Variants in C8orf34 observed in about 807,000 individuals in gnomAD.
C8orf34 encodes the protein uncharacterized protein C8orf34.
Under a neutral mutation model 68.3 loss-of-function variants are expected in C8orf34, and 65 were observed. That is an observed-to-expected ratio of 0.95 (90% CI 0.78 to 1.17). C8orf34 has a LOEUF of 1.17. C8orf34 is among the 50% of genes most tolerant of loss of function. The pLI, the probability that C8orf34 is intolerant of heterozygous loss-of-function variation, is 0.00. For missense variants in C8orf34, 664 were observed against 655.4 expected (o/e 1.01, Z -0.14); for synonymous variants, 244 against 241.2 (o/e 1.01, Z -0.11).
chr8:68,397,256 A>C (rs1808755782), intron 1 of C8orf34, among the ~76,000 whole-genome samples: 1 of 151,966 alleles, frequency 6.6e-6, no homozygotes, highest in African/African-American at 2.4e-5. Context: ...CACCCCTCTC[A>C]GCTTCCCAAA....
intron 2 of C8orf34, 141 bp downstream of exon 2, chr8:68,439,787 C>A (rs1224224869): frequency 5.4e-5 from 37 of 683,704 alleles, no homozygotes; most frequent in Admixed American, 2.5e-4. Context: ...TACCTAGATG[C>A]TAAAATTTGT....
chr8:68,641,629 T>C (rs968380332), intron 8 of C8orf34, among the ~76,000 whole-genome samples: 38 of 152,338 alleles, frequency 2.5e-4, no homozygotes, highest in African/African-American at 8.4e-4. Flanking sequence ...AACTTTGTAG[T>C]ACAGTTGTAT....
chr8:68,376,791 A>G (rs1483656690), intron 1 of C8orf34, among the ~76,000 whole-genome samples: 3 of 152,152 alleles, frequency 2.0e-5, no homozygotes, highest in Non-Finnish European at 4.4e-5. Context: ...TTGAGTAGTC[A>G]GTGGATAACT....
intron 7 of C8orf34, among the ~76,000 whole-genome samples, chr8:68,594,211 A>C (rs1817477174): frequency 6.6e-6 from 1 of 151,954 alleles, no homozygotes; most frequent in Non-Finnish European, 1.5e-5. Flanking sequence ...GGTGTTCTCA[A>C]ATGCACTCTG....
At chr8:68,402,712 T>C (rs985819006) in intron 1 of C8orf34, among the ~76,000 whole-genome samples, 1 of 152,234 alleles carries the variant, frequency 6.6e-6, no homozygotes, top group African/African-American at 2.4e-5. Flanking sequence ...AATATTTGTA[T>C]AGTTTCCAAA....
intron 10 of C8orf34, among the ~76,000 whole-genome samples, chr8:68,771,133 C>G (rs1823323702): frequency 6.6e-6 from 1 of 152,104 alleles, no homozygotes; most frequent in South Asian, 2.1e-4. Flanking sequence ...ATATGTAGGT[C>G]TGAAAACAAA....
chr8:68,402,288 C>A (rs550138131), intron 1 of C8orf34, among the ~76,000 whole-genome samples: 44 of 152,158 alleles, frequency 2.9e-4, no homozygotes, highest in African/African-American at 1.1e-3. Context: ...ATATTTGAAT[C>A]ATCGCTCTTC....
chr8:68,787,125 T>G (rs899111588), intron 11 of C8orf34, among the ~76,000 whole-genome samples: 2 of 152,236 alleles, frequency 1.3e-5, no homozygotes, highest in East Asian at 3.8e-4. Flanking sequence ...TATGCCATTT[T>G]ATATTGAATA....
At chr8:68,519,839 T>C (rs966326170) in intron 5 of C8orf34, among the ~76,000 whole-genome samples, 2 of 152,184 alleles carry the variant, frequency 1.3e-5, no homozygotes, top group Admixed American at 6.5e-5. Context: ...GAAAATGAAA[T>C]TCAAGGAATA....
At chr8:68,661,867 C>T (rs1334050822) in intron 8 of C8orf34, among the ~76,000 whole-genome samples, 1 of 152,044 alleles carries the variant, frequency 6.6e-6, no homozygotes, top group African/African-American at 2.4e-5. Flanking sequence ...GGGCTCAGGA[C>T]ATACCACCCA....
At chr8:68,474,083 A>G (rs938531094) in intron 4 of C8orf34, among the ~76,000 whole-genome samples, 1 of 152,054 alleles carries the variant, frequency 6.6e-6, no homozygotes, top group Non-Finnish European at 1.5e-5. Flanking sequence ...TGCTCTCTCC[A>G]TTCAACCTCA....
intron 5 of C8orf34, among the ~76,000 whole-genome samples, chr8:68,494,177 G>A (rs1813426544): frequency 1.3e-5 from 2 of 152,130 alleles, no homozygotes; most frequent in Admixed American, 6.5e-5. Context: ...TACATACAAT[G>A]GAATAGTGTT....
intron 5 of C8orf34, among the ~76,000 whole-genome samples, chr8:68,518,759 G>C (rs1814622189): frequency 6.6e-6 from 1 of 151,968 alleles, no homozygotes; most frequent in Non-Finnish European, 1.5e-5. Flanking sequence ...AGCTGGGCAT[G>C]GTGGTGTACA....
chr8:68,397,010 A>C (rs1052472297), intron 1 of C8orf34, among the ~76,000 whole-genome samples: 1 of 151,670 alleles, frequency 6.6e-6, no homozygotes, highest in Non-Finnish European at 1.5e-5. Flanking sequence ...TATTTTATTT[A>C]TTTTCTTTTT....
At chr8:68,763,024 G>A (rs1823064804) in intron 10 of C8orf34, among the ~76,000 whole-genome samples, 1 of 152,164 alleles carries the variant, frequency 6.6e-6, no homozygotes, top group East Asian at 1.9e-4. Context: ...TTGTGGTTTT[G>A]CCCTAACTGA....
chr8:68,425,148 C>A (rs867750276), intron 1 of C8orf34, among the ~76,000 whole-genome samples: 1 of 152,058 alleles, frequency 6.6e-6, no homozygotes, highest in Non-Finnish European at 1.5e-5. Flanking sequence ...CTCATAAATG[C>A]ATCTACAGAA....
chr8:68,356,808 T>A (rs1464432784), intron 1 of C8orf34, among the ~76,000 whole-genome samples: 1 of 152,142 alleles, frequency 6.6e-6, no homozygotes, highest in Non-Finnish European at 1.5e-5. Context: ...AATTTTAGAT[T>A]GGAAGTTTTC....
At chr8:68,796,604 A>G (rs1462464446) in intron 12 of C8orf34, among the ~76,000 whole-genome samples, 2 of 152,180 alleles carry the variant, frequency 1.3e-5, no homozygotes, top group Non-Finnish European at 2.9e-5. Context: ...CAGCTTTTCA[A>G]GAGGAGCAAA....
intron 1 of C8orf34, among the ~76,000 whole-genome samples, chr8:68,433,916 T>C (rs1440357028): frequency 6.6e-6 from 1 of 152,218 alleles, no homozygotes; most frequent in African/African-American, 2.4e-5. Flanking sequence ...ACGATCATTG[T>C]TACTAGTTAG....
Sources: gnomAD v4.1 joint callset for allele counts (sites outside exome capture counted in the v4.1 genomes callset) on GRCh38, gnomAD v4.1.1 for gene constraint, MANE v1.5 for transcripts, NCBI Gene and HGNC (gene_info 2026-07-23, HGNC 2026-07-21) for gene names.